The following ZNF334 variants were observed in gnomAD, a reference collection of about 807,000 sequenced individuals.
The protein encoded by ZNF334 is zinc finger protein 334.
In ZNF334, 14 loss-of-function variants were observed where a neutral mutation model predicts 12.4. The observed-to-expected ratio is 1.13, with a 90% CI of 0.74 to 1.76. ZNF334 has a LOEUF of 1.76. Among genes scored for constraint, ZNF334 ranks in the 40% most tolerant of loss-of-function variants. The probability of loss-of-function intolerance (pLI) is 0.00; values close to 1 mark genes in which losing one functional copy is unlikely to be tolerated. For missense variants in ZNF334, 797 were observed against 804.5 expected (o/e 0.99, Z 0.11); for synonymous variants, 273 against 269.6 (o/e 1.01, Z -0.12).
intron 2 of ZNF334, chr20:46,506,574 C>A: frequency 2.7e-6 from 1 of 374,888 alleles, no homozygotes; most frequent in Non-Finnish European, 4.7e-6. Context: ...TCAGATTGTG[C>A]CACTGTACTC....
the ZNF334 span, among the ~76,000 whole-genome samples, chr20:46,488,419 TTA>T: frequency 5.5e-3 from 558 of 102,122 alleles, 39 homozygotes; most frequent in African/African-American, 0.019. Flanking sequence ...AGCTCTTATT[TTA>T]TATATATATA....
chr20:46,505,371 C>T (rs574833687), intron 2 of ZNF334: 4 of 152,650 alleles, frequency 2.6e-5, no homozygotes, highest in South Asian at 2.1e-4. Context: ...TATACGCTAA[C>T]GTACATTTAC....
intron 2 of ZNF334, among the ~76,000 whole-genome samples, chr20:46,510,074 G>A (rs879307979): frequency 6.6e-6 from 1 of 152,200 alleles, no homozygotes; most frequent in Non-Finnish European, 1.5e-5. Context: ...GTCCAGAGTG[G>A]TAGGAACTGA....
At chr20:46,506,605 C>G (rs1440061613) in intron 2 of ZNF334, 4 of 352,306 alleles carry the variant, frequency 1.1e-5, no homozygotes, top group Admixed American at 4.7e-5. Context: ...GGTGACAGTG[C>G]AAGACCTCAT....
At chr20:46,464,321 CG>C in the ZNF334 span, 1 of 546,428 alleles carries the variant, frequency 1.8e-6, no homozygotes. Flanking sequence ...AGATGTGATC[CG>C]GCATTCTGGG....
chr20:46,510,980 C>G lies in ZNF334; in HGVS notation c.21+1102G>C, dbSNP rs528058369. Among the ~76,000 whole-genome samples, 7 of 151,136 alleles carry G rather than the reference C, an allele frequency of 4.6e-5. No homozygotes were observed. The South Asian group carries it at 1.5e-3, about 32-fold the overall frequency. The stretch of plus-strand genomic sequence containing the variant: ...CCTCAGAGGCAGAAATACCTCAGAG[C>G]ATAAAGACTCACAAGTTAAAACCAC... On this transcript the variant is annotated intron_variant, in intron 2 of 4. Coordinates refer to ENST00000692313, the MANE Select transcript of ZNF334 (RefSeq NM_001353824.2).
intron 2 of ZNF334, chr20:46,506,253 A>G: frequency 2.0e-6 from 1 of 497,312 alleles, no homozygotes; most frequent in Non-Finnish European, 3.6e-6. Flanking sequence ...GGTCTCCATG[A>G]ACTGATATGA....
the ZNF334 span, among the ~76,000 whole-genome samples, chr20:46,484,095 C>T: frequency 6.6e-6 from 1 of 152,194 alleles, no homozygotes; most frequent in South Asian, 2.1e-4. Flanking sequence ...AGCAAAAAAC[C>T]GATGTCCCAT....
Position 46,503,065 on chromosome 20 carries a change from T to C in ZNF334, c.274A>G (p.Ile92Val). The stretch of plus-strand genomic sequence containing the variant: ...GTTTGTGTCAAATGTTTATCTTGGA[T>C]TTCCTTGTTCTTCTCTAAGGCATCA... ...IDDALEKNKE[I>V]QDKHLTQTVF... is the part of the protein sequence containing the mutation. The change falls in exon 5 of 5, where the codon ATC becomes GTC. Residue 92 changes from isoleucine (I) to valine (V), a missense_variant. By Grantham distance (29) the Ile-to-Val change is conservative. Coordinates refer to ENST00000692313, the MANE Select transcript of ZNF334 (RefSeq NM_001353824.2). The C allele has an allele frequency of 6.2e-7, 1 of 1,608,706 alleles. No homozygotes were observed. The highest frequency in any genetic ancestry group is 1.1e-5 in the South Asian group (1 of 90,074).
chr20:46,486,412 TAAAA>T, the ZNF334 span, among the ~76,000 whole-genome samples: 2 of 152,092 alleles, frequency 1.3e-5, no homozygotes, highest in Non-Finnish European at 2.9e-5. Context: ...AAACTCTGTC[TAAAA>T]AAATAAAAAT....
chr20:46,469,001 A>G, the ZNF334 span, among the ~76,000 whole-genome samples: 1 of 152,202 alleles, frequency 6.6e-6, no homozygotes, highest in Non-Finnish European at 1.5e-5. Context: ...AAGAAAGTCA[A>G]GAACAATACA....
rs150117904 is a variant in ZNF334, at chr20:46,499,914, T to G, written c.*1382A>C. The G allele has an allele frequency of 6.6e-6, 1 of 152,138 alleles. No homozygotes were observed. Among genetic ancestry groups the G allele is most frequent in the African/African-American group, 2.4e-5 (1 of 41,428 alleles). The allele number at this position is 152,138 out of a possible 1,614,324, so 9.4% of individuals were successfully genotyped here. On this transcript the variant is annotated 3_prime_UTR_variant, in exon 5 of 5. Transcript: ENST00000692313. ...GGTTCTCTGAAGGGCCCCAAATAAA[T>G]AGCACAATTTCCCCCCATCTAAACG...
the ZNF334 span, among the ~76,000 whole-genome samples, chr20:46,482,525 A>G: frequency 1.3e-5 from 2 of 152,216 alleles, no homozygotes; most frequent in African/African-American, 4.8e-5. Context: ...TTCAAATTAT[A>G]TAAGAAATCT....
chr20:46,465,031 C>T, the ZNF334 span: 15 of 368,534 alleles, frequency 4.1e-5, no homozygotes, highest in South Asian at 2.5e-4. Flanking sequence ...TTGCCCACTA[C>T]GCCATGTGGA....
At chr20:46,475,481 G>T in the ZNF334 span, among the ~76,000 whole-genome samples, 1 of 152,012 alleles carries the variant, frequency 6.6e-6, no homozygotes, top group Non-Finnish European at 1.5e-5. Flanking sequence ...AGAATGAAAT[G>T]ACAAACTACA....
chr20:46,469,777 A>G, the ZNF334 span, among the ~76,000 whole-genome samples: 3 of 152,138 alleles, frequency 2.0e-5, no homozygotes, highest in Non-Finnish European at 2.9e-5. Flanking sequence ...TTGGGTTCAC[A>G]GGGACACCTG....
the ZNF334 span, among the ~76,000 whole-genome samples, chr20:46,481,971 T>C: frequency 6.6e-6 from 1 of 152,020 alleles, no homozygotes; most frequent in African/African-American, 2.4e-5. Context: ...GGGTTTCTCC[T>C]GGGTTGTCTG....
rs1161654474 is a variant in ZNF334, at chr20:46,500,063, G to A, written c.*1233C>T. ...GCCAATTAGCTGAATGACAGAATTA[G>A]ACCAATTTACCAATCACAGGCAATA... On this transcript the variant is annotated 3_prime_UTR_variant, in exon 5 of 5. Coordinates refer to ENST00000692313, the MANE Select transcript of ZNF334 (RefSeq NM_001353824.2). 6.6e-6 allele frequency: 1 copy of A among 152,148 alleles called. No homozygotes were observed. Among genetic ancestry groups the A allele is most frequent in the Non-Finnish European group, 1.5e-5 (1 of 68,036 alleles). The allele number at this position is 152,148 out of a possible 1,614,324, so 9.4% of individuals were successfully genotyped here. A position where few individuals can be genotyped will look rare whatever the true frequency, so the allele number is the denominator to read the frequency against.
At position 46,501,615 on chromosome 20, in the gene ZNF334, T is replaced by C. The variant is rs1488502990; in HGVS notation, c.1724A>G (p.Asn575Ser). Residue 575 changes from asparagine to serine, a missense_variant, in exon 5 of 5, where the codon AAT becomes AGT. Physicochemically the swap from Asn to Ser is conservative, Grantham distance 46. Transcript: ENST00000692313. The part of the protein sequence containing the change: ...THTGQRPYEC[N>S]ECGKTFCQKF... ...CTGACAGAAGGTTTTCCCACATTCA[T>C]TACACTCATAGGGTCTCTGTCCTGT... 3 of 1,614,200 alleles carry C rather than the reference T, an allele frequency of 1.9e-6. No individual in the cohort carries two copies. The highest frequency in any genetic ancestry group is 3.3e-5 in the Admixed American group (2 of 60,028).
Sources: allele counts gnomAD v4.1 joint callset (sites outside exome capture counted in the v4.1 genomes callset), GRCh38; gene constraint gnomAD v4.1.1; transcripts MANE v1.5; gene names NCBI Gene and HGNC (gene_info 2026-07-23, HGNC 2026-07-21).